The following UMODL1 variants were observed in gnomAD, a reference collection of about 807,000 sequenced individuals.
UMODL1 encodes uromodulin like 1.
UMODL1 carries 128 observed loss-of-function variants against 136.3 expected under a neutral mutation model. The observed-to-expected ratio is 0.94, with a 90% CI of 0.81 to 1.09. UMODL1 has a LOEUF of 1.09. UMODL1 is among the 50% of genes least tolerant of loss of function. The probability of loss-of-function intolerance (pLI) is 0.00; values close to 1 mark genes in which losing one functional copy is unlikely to be tolerated. For synonymous variants in UMODL1, 721 were observed against 720.0 expected (o/e 1.00, Z -0.02); for missense variants, 1,766 against 1,725.6 (o/e 1.02, Z -0.41).
chr21:42,082,941 C>T (rs8130714), intron 2 of UMODL1, among the ~76,000 whole-genome samples: 17,999 of 152,078 alleles, frequency 0.12, 1,966 homozygotes, highest in African/African-American at 0.29. Context: ...TCTGGAAAGC[C>T]CACCGTGGCC....
intron 2 of UMODL1, among the ~76,000 whole-genome samples, chr21:42,083,858 C>T (rs2066391809): frequency 6.6e-6 from 1 of 152,210 alleles, no homozygotes; most frequent in South Asian, 2.1e-4. Context: ...ACCTAGGACC[C>T]CAGCTGAAGC....
rs569980817 is a variant in UMODL1 at position 42,106,497 on chromosome 21, C to T, written c.1519+2410C>T. Among the ~76,000 whole-genome samples, 15 of 152,320 alleles carry T rather than the reference C, an allele frequency of 9.8e-5. No homozygotes were observed. In the South Asian group the frequency reaches 1.0e-3, roughly 11 times the overall value. On this transcript the variant is annotated intron_variant, in intron 9 of 22. Transcript: ENST00000408910. Reference sequence around the variant, plus strand: ...CATGTCCCAACCCCGATAGATGAGGCGCTGTTCGCCCGTGGAGGGGTCAGG... The same window carrying T: ...CATGTCCCAACCCCGATAGATGAGGTGCTGTTCGCCCGTGGAGGGGTCAGG...
intron 20 of UMODL1, among the ~76,000 whole-genome samples, chr21:42,128,805 G>A (rs1360364516): frequency 6.6e-6 from 1 of 152,244 alleles, no homozygotes; most frequent in Non-Finnish European, 1.5e-5. Flanking sequence ...AAGAGGAGCG[G>A]CACACAGTGT....
rs145720966 is a variant in UMODL1, at chr21:42,135,865, C to T, written c.3776-1574C>T. Among the ~76,000 whole-genome samples, 8 of 152,272 alleles carry T rather than the reference C, an allele frequency of 5.3e-5. No homozygotes were observed. In the East Asian group the frequency reaches 9.6e-4, roughly 18 times the overall value. On this transcript the variant is annotated intron_variant, in intron 21 of 22. Transcript: ENST00000408910. Reference sequence around the variant, plus strand: ...TGTTGGATGGCTTTGCTGATGGTGACGCTCCATGCTGTTCCCTGGGGGACA... The same window carrying T: ...TGTTGGATGGCTTTGCTGATGGTGATGCTCCATGCTGTTCCCTGGGGGACA...
upstream of UMODL1, among the ~76,000 whole-genome samples, chr21:42,070,060 A>G (rs2066216338): frequency 6.6e-6 from 1 of 152,158 alleles, no homozygotes; most frequent in Non-Finnish European, 1.5e-5. Context: ...GGCATCTGAC[A>G]TTTAGTCATT....
rs2066605450 is a variant in UMODL1 at position 42,099,863 on chromosome 21, T to C, written c.1186+683T>C. ...ACCAGGCTAAATTTTTTATTTTTCA[T>C]AAGGATGGAGTCTTGCCATGTTGCT... On this transcript the variant is annotated intron_variant, in intron 7 of 22. Transcript: ENST00000408910. The surrounding 1 kb of genome is among the most constrained non-coding windows in gnomAD (Gnocchi z 4.1). Among the ~76,000 whole-genome samples, 5 of 152,114 alleles carry C rather than the reference T, an allele frequency of 3.3e-5. No homozygotes were observed. The highest frequency in any genetic ancestry group is 3.3e-4 in the Admixed American group (5 of 15,266).
At chr21:42,111,176 A>T in intron 11 of UMODL1, 55 bp downstream of exon 11, 1 of 1,576,002 alleles carries the variant, frequency 6.3e-7, no homozygotes, top group Non-Finnish European at 8.6e-7. Flanking sequence ...CAGCCAGGTG[A>T]ACCCCAGCCA....
chr21:42,106,207 C>T lies in UMODL1; in HGVS notation c.1519+2120C>T, dbSNP rs372953544. ...AGTCGGGGGAGCAACCATGGGGCACCGCCCCTGCCTGGGGAGGCAGCACGA... is the reference window on the plus strand; with the variant it reads ...AGTCGGGGGAGCAACCATGGGGCACTGCCCCTGCCTGGGGAGGCAGCACGA... On this transcript the variant is annotated intron_variant, in intron 9 of 22. Coordinates refer to ENST00000408910, the MANE Select transcript of UMODL1 (RefSeq NM_001004416.3). 2.4e-4 allele frequency among the ~76,000 whole-genome samples: 36 copies of T among 152,320 alleles called. No homozygotes were observed. The East Asian group carries it at 5.4e-3, about 23-fold the overall frequency.
intron 9 of UMODL1, among the ~76,000 whole-genome samples, chr21:42,106,082 T>C (rs2066712300): frequency 6.6e-6 from 1 of 152,012 alleles, no homozygotes; most frequent in Non-Finnish European, 1.5e-5. Flanking sequence ...GTCAGCTGTG[T>C]GGCCAGTGAT....
chr21:42,100,718 A>G (rs1037745173), intron 7 of UMODL1, among the ~76,000 whole-genome samples: 1 of 70,958 alleles, frequency 1.4e-5, no homozygotes, highest in African/African-American at 5.6e-5. Flanking sequence ...TCCCCACCCC[A>G]GCAACCCCGT....
intron 22 of UMODL1, among the ~76,000 whole-genome samples, chr21:42,141,720 A>G (rs1187032691): frequency 6.7e-6 from 1 of 149,198 alleles, no homozygotes; most frequent in East Asian, 2.0e-4. Flanking sequence ...ACCCACCCCC[A>G]CCAGGTCGAC....
chr21:42,064,336 C>G (rs369562159), intron 1 of UMODL1, among the ~76,000 whole-genome samples: 1 of 152,208 alleles, frequency 6.6e-6, no homozygotes, highest in Admixed American at 6.5e-5. Flanking sequence ...TCCTGCCGGA[C>G]GGCCTCCGAA....
chr21:42,106,781 G>A (rs149318803), intron 9 of UMODL1, among the ~76,000 whole-genome samples: 53 of 152,322 alleles, frequency 3.5e-4, no homozygotes, highest in African/African-American at 1.3e-3. Context: ...TCCCAGCTCT[G>A]ACACTCACTC....
intron 6 of UMODL1, among the ~76,000 whole-genome samples, chr21:42,096,499 C>A (rs1401082031): frequency 6.6e-6 from 1 of 152,218 alleles, no homozygotes; most frequent in Non-Finnish European, 1.5e-5. Flanking sequence ...TTTCCAAACA[C>A]CATTCCTCTG....
chr21:42,092,932 G>C (rs2066509252), intron 6 of UMODL1, among the ~76,000 whole-genome samples: 1 of 152,166 alleles, frequency 6.6e-6, no homozygotes, highest in Non-Finnish European at 1.5e-5. Flanking sequence ...CTGGTCCTCT[G>C]AAGACGCACA....
chr21:42,066,928 A>G (rs2066187282), upstream of UMODL1, among the ~76,000 whole-genome samples: 1 of 150,096 alleles, frequency 6.7e-6, no homozygotes, highest in Admixed American at 6.6e-5. Flanking sequence ...TTTCTTTTCC[A>G]CCTTTGTGGA....
At position 42,142,116 on chromosome 21, in the gene UMODL1, C is replaced by T. The variant is rs902471304; in HGVS notation, c.*42C>T. The T allele has an allele frequency of 2.0e-5, 3 of 152,384 alleles. No individual in the cohort carries two copies. The highest frequency in any genetic ancestry group is 2.9e-5 in the Non-Finnish European group (2 of 68,072). The allele number at this position is 152,384 out of a possible 1,614,324, so 9.4% of individuals were successfully genotyped here. A position where few individuals can be genotyped will look rare whatever the true frequency, so the allele number is the denominator to read the frequency against. On this transcript the variant is annotated 3_prime_UTR_variant, in exon 23 of 23. Transcript: ENST00000408910. Reference sequence around the variant, plus strand: ...CACAGGTCGCCGTGAGTCAAGCTGCCTCCAGAACCTCAGAGCTTCCCTGGT... The same window carrying T: ...CACAGGTCGCCGTGAGTCAAGCTGCTTCCAGAACCTCAGAGCTTCCCTGGT...
intron 6 of UMODL1, among the ~76,000 whole-genome samples, chr21:42,093,167 G>A (rs2066512815): frequency 6.6e-6 from 1 of 152,212 alleles, no homozygotes; most frequent in Non-Finnish European, 1.5e-5. Flanking sequence ...ACCCAACTAG[G>A]AAAAGGAGTC....
intron 1 of UMODL1, 44 bp downstream of exon 1, chr21:42,071,436 G>T: frequency 6.6e-7 from 1 of 1,506,228 alleles, no homozygotes; most frequent in Non-Finnish European, 8.9e-7. Context: ...AAGGACAGGG[G>T]CTTCCTGGCA....
Sources: allele counts gnomAD v4.1 joint callset (sites outside exome capture counted in the v4.1 genomes callset), GRCh38; gene constraint gnomAD v4.1.1; non-coding constraint Gnocchi (gnomAD v3.1); transcripts MANE v1.5; gene names NCBI Gene and HGNC (gene_info 2026-07-23, HGNC 2026-07-21).